Variants in NSMF observed in about 807,000 individuals in gnomAD.
The protein encoded by NSMF is NMDA receptor synaptonuclear signaling and neuronal migration factor.
In NSMF, 31 loss-of-function variants were observed where a neutral mutation model predicts 71.0. That is an observed-to-expected ratio of 0.44 (90% confidence interval 0.33 to 0.59). The LOEUF (loss-of-function observed/expected upper bound fraction) is 0.59. NSMF is among the 20% of genes least tolerant of loss of function. NSMF has a pLI of 0.04. For synonymous variants in NSMF, 345 were observed against 287.1 expected (o/e 1.20, Z -2.04); for missense variants, 673 against 740.5 (o/e 0.91, Z 1.06).
In NSMF at chr9:137,449,219, C is replaced by T. The variant is rs562142258; in HGVS notation, c.*175G>A. 1.7e-5 allele frequency: 11 copies of T among 636,088 alleles called. No homozygotes were observed. Among genetic ancestry groups the T allele is most frequent in the Admixed American group, 9.7e-5 (4 of 41,384 alleles). 39.4% of individuals were successfully genotyped at this position (636,088 alleles called of 1,614,324 possible). A position where few individuals can be genotyped will look rare whatever the true frequency, so the allele number is the denominator to read the frequency against. On this transcript the variant is annotated 3_prime_UTR_variant, in exon 16 of 16. Coordinates refer to ENST00000371475, the MANE Select transcript of NSMF (RefSeq NM_001130969.3). ...CCAGGGACTGCAGCCTCTGCGGCCA[C>T]GGGTGCAGCGAGGACCGGAACCCAC...
rs1349962116 is a variant in NSMF, at chr9:137,456,251, C to A, written c.704+160G>T. 4 of 732,160 alleles carry A rather than the reference C, an allele frequency of 5.5e-6. No individual in the cohort carries two copies. In the African/African-American group the frequency reaches 6.9e-5, roughly 13 times the overall value. The allele number at this position is 732,160 out of a possible 1,614,324, so 45.4% of individuals were successfully genotyped here. A position where few individuals can be genotyped will look rare whatever the true frequency, so the allele number is the denominator to read the frequency against. On this transcript the variant is annotated intron_variant, in intron 4 of 15. Transcript: ENST00000371475. ...CCAGCCATGGGAGGGGAAGAGCAGTCAGCCCTGGCCTCCCTGGCAGGCCTG... is the reference window on the plus strand; with the variant it reads ...CCAGCCATGGGAGGGGAAGAGCAGTAAGCCCTGGCCTCCCTGGCAGGCCTG...
chr9:137,455,203 G>A, intron 6 of NSMF, 36 bp downstream of exon 6: 1 of 1,608,058 alleles, frequency 6.2e-7, no homozygotes, highest in Middle Eastern at 1.7e-4. Context: ...ACAGACCAGA[G>A]ATGGACCCTG....
chr9:137,452,341 C>A, intron 12 of NSMF, 24 bp downstream of exon 12: 1 of 1,607,684 alleles, frequency 6.2e-7, no homozygotes, highest in South Asian at 1.1e-5. Context: ...TTCTCCTGGT[C>A]AGGAGACGAG....
Position 137,450,235 on chromosome 9 carries a change from A to G in NSMF, c.1257T>C (p.Tyr419=). 6.2e-7 allele frequency: 1 copy of G among 1,613,440 alleles called. No homozygotes were observed. The highest frequency in any genetic ancestry group is 1.7e-5 in the Admixed American group (1 of 60,012). ...AGGTGGCCACCTTGTTCTTGAGGAGATAGAGGTGTCCAGGACCTCCCTGTA... is the reference window on the plus strand; with the variant it reads ...AGGTGGCCACCTTGTTCTTGAGGAGGTAGAGGTGTCCAGGACCTCCCTGTA... The part of the protein sequence containing the change: ...IFCQGGPGHL[Y]LLKNKVATFA... Residue 419 remains tyrosine, a synonymous_variant, in exon 13 of 16, where the codon TAT becomes TAC. Transcript: ENST00000371475.
chr9:137,455,476 C>T lies in NSMF; in HGVS notation c.710+153G>A, dbSNP rs894981695. 14 of 1,162,010 alleles carry T rather than the reference C, an allele frequency of 1.2e-5. No individual in the cohort carries two copies. The Admixed American group carries it at 1.6e-4, about 13-fold the overall frequency. 72.0% of individuals were successfully genotyped at this position (1,162,010 alleles called of 1,614,324 possible). ...GAGGCCCAGCTCCCAGCAGGCCCTG[C>T]TGCGACCTCGGTGCCCGCTGGGAGC... On this transcript the variant is annotated intron_variant, in intron 5 of 15. Coordinates refer to ENST00000371475, the MANE Select transcript of NSMF (RefSeq NM_001130969.3).
At position 137,458,421 on chromosome 9, in the gene NSMF, G is replaced by A. The variant is rs555767389; in HGVS notation, c.133+67C>T. 7,810 of 1,364,320 alleles carry A rather than the reference G, an allele frequency of 5.7e-3. 23 individuals carry two copies. Among genetic ancestry groups the A allele is most frequent in the Non-Finnish European group, 7.0e-3 (6,946 of 988,374 alleles). 84.5% of individuals were successfully genotyped at this position (1,364,320 alleles called of 1,614,324 possible). On this transcript the variant is annotated intron_variant, in intron 2 of 15. Coordinates refer to ENST00000371475, the MANE Select transcript of NSMF (RefSeq NM_001130969.3). ...ATGCCCCTCACGCTCCACCCCCGGA[G>A]GCAGGGATCAGCATCCCTTGGGCTG...
At chr9:137,454,490 G>A (rs746498361) in intron 6 of NSMF, 47 bp from the exon 7 acceptor site, 5 of 1,549,330 alleles carry the variant, frequency 3.2e-6, no homozygotes, top group Non-Finnish European at 4.4e-6. Context: ...GAGGGTGACG[G>A]CAGCCCCTGC....
chr9:137,453,774 G>C lies in NSMF; in HGVS notation c.879C>G (p.Asp293Glu). ...RERSFSRSWS[D>E]PTPMKADTSH... The stretch of plus-strand genomic sequence containing the variant: ...AAGTGTCGGCTTTCATGGGGGTGGG[G>C]TCGCTCCAGGACCGGCTGAAGCTCC... The change falls in exon 8 of 16, where the codon GAC becomes GAG. Residue 293 changes from aspartate (D) to glutamate (E), a missense_variant. By Grantham distance (45) the Asp-to-Glu change is conservative. Coordinates refer to ENST00000371475, the MANE Select transcript of NSMF (RefSeq NM_001130969.3). The surrounding 1 kb of genome is among the most constrained non-coding windows in gnomAD (Gnocchi z 4.5). The C allele has an allele frequency of 6.2e-7, 1 of 1,601,202 alleles. No homozygotes were observed. The highest frequency in any genetic ancestry group is 8.5e-7 in the Non-Finnish European group (1 of 1,178,610).
intron 9 of NSMF, 34 bp from the exon 10 acceptor site, chr9:137,452,853 G>A (rs1588500034): frequency 1.3e-6 from 2 of 1,579,312 alleles, no homozygotes; most frequent in Middle Eastern, 1.7e-4. Context: ...GGGGCCCCAG[G>A]CCCATCCAAA....
chr9:137,456,504 G>A lies in NSMF; in HGVS notation c.629-18C>T, dbSNP rs775044894. On this transcript the variant is annotated intron_variant, in intron 3 of 15. Transcript: ENST00000371475. ...GATGTCGTCTAAGAGAGACAAAAAG[G>A]AGCGGTGGCTGGGTGAAGTAGGGGT... is the stretch of plus-strand genomic sequence containing the variant. 7 of 1,577,836 alleles carry A rather than the reference G, an allele frequency of 4.4e-6. No homozygotes were observed. In the African/African-American group the frequency reaches 6.7e-5, roughly 15 times the overall value.
Position 137,459,032 on chromosome 9 carries a change from C to G in NSMF, c.71G>C (p.Arg24Pro). 6 of 1,285,172 alleles carry G rather than the reference C, an allele frequency of 4.7e-6. No homozygotes were observed. The highest frequency in any genetic ancestry group is 5.9e-6 in the Non-Finnish European group (6 of 1,017,208). 79.6% of individuals were successfully genotyped at this position (1,285,172 alleles called of 1,614,324 possible). The change falls in exon 1 of 16, where the codon CGA (arginine) becomes CCA (proline). Residue 24 changes from arginine to proline, a missense_variant and splice_region_variant. Arg to Pro is a moderately radical substitution (Grantham distance 103). Transcript: ENST00000371475. Reference protein sequence around the residue: ...EAMSSVAAKVRAARAFGEYLS... With the variant: ...EAMSSVAAKVPAARAFGEYLS... ...GGGAAGGCGGCCCCGCCGCACTCAC[C>G]GCACTTTGGCCGCCACCGAGGACAT...
chr9:137,455,077 C>G lies in NSMF; in HGVS notation c.779+162G>C, dbSNP rs563638644. ...GAGGGTGAGATGCTTTCCTGCAGCC[C>G]GGGCCACATGGCCTCTCCTGCCTGC... is the stretch of plus-strand genomic sequence containing the variant. On this transcript the variant is annotated intron_variant, in intron 6 of 15. Coordinates refer to ENST00000371475, the MANE Select transcript of NSMF (RefSeq NM_001130969.3). 8.7e-4 allele frequency: 705 copies of G among 808,580 alleles called. 1 individual carries two copies. The highest frequency in any genetic ancestry group is 1.4e-3 in the Non-Finnish European group (634 of 464,268). 50.1% of individuals were successfully genotyped at this position (808,580 alleles called of 1,614,324 possible). A position where few individuals can be genotyped will look rare whatever the true frequency, so the allele number is the denominator to read the frequency against.
At position 137,453,021 on chromosome 9, in the gene NSMF, GGGTGTAGA is replaced by G; in HGVS notation, c.1047+27_1047+34del. 6.2e-7 allele frequency: 1 copy of G among 1,610,984 alleles called. No individual in the cohort carries two copies. The highest frequency in any genetic ancestry group is 8.5e-7 in the Non-Finnish European group (1 of 1,179,882). On this transcript the variant is annotated intron_variant, in intron 9 of 15. Transcript: ENST00000371475. This position sits in a 1 kb window ranked among gnomAD's most constrained non-coding sequence, Gnocchi z 4.5. ...TCGGGTTGGGGCGGAGTCCTGCTCG[GGGTGTAGA>G]GGAGCACTGCCCGGGCTGGGCCTCA...
Position 137,453,974 on chromosome 9 carries a change from G to C in NSMF, c.833-154C>G, listed in dbSNP as rs940626965. Among the ~76,000 whole-genome samples the C allele has an allele frequency of 6.6e-6, 1 of 152,046 alleles. No homozygotes were observed. Among genetic ancestry groups the C allele is most frequent in the Non-Finnish European group, 1.5e-5 (1 of 68,006 alleles). On this transcript the variant is annotated intron_variant, in intron 7 of 15. Transcript: ENST00000371475. This position sits in a 1 kb window ranked among gnomAD's most constrained non-coding sequence, Gnocchi z 4.5. The stretch of plus-strand genomic sequence containing the variant: ...TGAAGCAGACACGGACCAGAGGCTC[G>C]GTTGGTTCAGGGGCAGGATCTGAGA...
Position 137,457,820 on chromosome 9 carries a change from G to C in NSMF, c.215C>G (p.Ser72Cys). ...QPAPQNKRRL[S>C]LVSNGCYEGS... is the part of the protein sequence containing the mutation. Reference sequence around the variant, plus strand: ...CTCGTAGCAGCCGTTGGAGACGAGGGACAGGCGGCGCTTGTTCTGGGGGGC... The same window carrying C: ...CTCGTAGCAGCCGTTGGAGACGAGGCACAGGCGGCGCTTGTTCTGGGGGGC... Residue 72 changes from serine (S) to cysteine (C), a missense_variant, in exon 3 of 16, where the codon TCC (serine) becomes TGC (cysteine). By Grantham distance (112) the Ser-to-Cys change is moderately radical. Around this residue, in one of 2 missense-constraint regions of NSMF, gnomAD observed 471 missense variants for 459.6 expected, o/e 1.02. Coordinates refer to ENST00000371475, the MANE Select transcript of NSMF (RefSeq NM_001130969.3). 3 of 1,556,846 alleles carry C rather than the reference G, an allele frequency of 1.9e-6. No homozygotes were observed. The highest frequency in any genetic ancestry group is 2.6e-6 in the Non-Finnish European group (3 of 1,150,454).
At chr9:137,458,699 T>C (rs1831001558) in intron 1 of NSMF, 150 bp from the exon 2 acceptor site, 1 of 806,616 alleles carries the variant, frequency 1.2e-6, no homozygotes, top group Non-Finnish European at 2.1e-6. Context: ...CCACACACCC[T>C]TGGTCCTGGT....
In NSMF at chr9:137,453,295, T is replaced by C; in HGVS notation, c.923-115A>G. The stretch of plus-strand genomic sequence containing the variant: ...CATCCCGGAGGGTCCTCCAAGCAAG[T>C]GGGAGGACCATACAGAGGTCGCCGC... On this transcript the variant is annotated intron_variant, in intron 8 of 15. Transcript: ENST00000371475. This position sits in a 1 kb window ranked among gnomAD's most constrained non-coding sequence, Gnocchi z 4.5. 6.8e-7 allele frequency: 1 copy of C among 1,478,940 alleles called. No individual in the cohort carries two copies. The highest frequency in any genetic ancestry group is 2.4e-5 in the East Asian group (1 of 41,912). The allele number at this position is 1,478,940 out of a possible 1,614,324, so 91.6% of individuals were successfully genotyped here. A position where few individuals can be genotyped will look rare whatever the true frequency, so the allele number is the denominator to read the frequency against.
At position 137,453,200 on chromosome 9, in the gene NSMF, C is replaced by T. The variant is rs752872682; in HGVS notation, c.923-20G>A. On this transcript the variant is annotated intron_variant, in intron 8 of 15. Transcript: ENST00000371475. This position sits in a 1 kb window ranked among gnomAD's most constrained non-coding sequence, Gnocchi z 4.5. The stretch of plus-strand genomic sequence containing the variant: ...CACTGCCTGGGAAGCAAGAGGGTCA[C>T]CAGGACAGCAGGCCCGGCAGCACCT... 5.0e-6 allele frequency: 8 copies of T among 1,612,002 alleles called. No homozygotes were observed. In the Admixed American group the frequency reaches 1.2e-4, roughly 24 times the overall value.
intron 3 of NSMF, 88 bp from the exon 4 acceptor site, chr9:137,456,574 T>C: frequency 2.5e-6 from 2 of 796,098 alleles, no homozygotes; most frequent in Non-Finnish European, 2.1e-6. Context: ...TGCTTCTGGG[T>C]CCAGGGGTCA....
Sources: gnomAD v4.1 joint callset for allele counts (sites outside exome capture counted in the v4.1 genomes callset) on GRCh38, gnomAD v4.1.1 for gene constraint, gnomAD v4.1.1 regional missense constraint, Gnocchi (gnomAD v3.1) non-coding constraint, MANE v1.5 for transcripts, NCBI Gene and HGNC (gene_info 2026-07-23, HGNC 2026-07-21) for gene names.